DRC3: variants seen among roughly 807,000 people sequenced by gnomAD.
The protein encoded by DRC3 is dynein regulatory complex subunit 3.
A neutral mutation model predicts 57.6 loss-of-function variants in DRC3; 45 were observed. The observed-to-expected ratio is 0.78, with a 90% CI of 0.62 to 1.00. DRC3 has a LOEUF of 1.00. Ranked by LOEUF, DRC3 falls within the 50% of genes least tolerant of loss-of-function variation. The pLI is 0.00. For missense variants in DRC3, 655 were observed against 675.2 expected (o/e 0.97, Z 0.33); for synonymous variants, 257 against 272.3 (o/e 0.94, Z 0.55).
chr17:17,985,837 G>T (rs1163426693), intron 4 of DRC3, among the ~76,000 whole-genome samples: 1 of 152,144 alleles, frequency 6.6e-6, no homozygotes, highest in African/African-American at 2.4e-5. Flanking sequence ...TGCAGGCCTG[G>T]CATTTGTTAG....
At chr17:17,992,418 G>T (rs1438163593) in intron 5 of DRC3, among the ~76,000 whole-genome samples, 2 of 152,222 alleles carry the variant, frequency 1.3e-5, no homozygotes. Flanking sequence ...ATTTCACTTG[G>T]TCTTTATAAC....
intron 5 of DRC3, among the ~76,000 whole-genome samples, chr17:17,991,686 G>A (rs938053546): frequency 6.6e-6 from 1 of 152,078 alleles, no homozygotes; most frequent in Non-Finnish European, 1.5e-5. Flanking sequence ...TAACTACCTG[G>A]TTAACATTTT....
intron 3 of DRC3, among the ~76,000 whole-genome samples, chr17:17,979,031 G>A (rs2042528084): frequency 6.6e-6 from 1 of 152,214 alleles, no homozygotes; most frequent in Non-Finnish European, 1.5e-5. Context: ...AGGAAGGAGA[G>A]GAGAAAAGGG....
chr17:18,014,017 C>T (rs1201995802), intron 12 of DRC3, among the ~76,000 whole-genome samples: 1 of 151,278 alleles, frequency 6.6e-6, no homozygotes, highest in Non-Finnish European at 1.5e-5. Flanking sequence ...ACTGCAACCT[C>T]GGCCTCCCAG....
Position 17,977,563 on chromosome 17 carries a change from A to G in DRC3, c.-17-19A>G, listed in dbSNP as rs7219320. On this transcript the variant is annotated intron_variant, in intron 2 of 13. Coordinates refer to ENST00000399187, the MANE Select transcript of DRC3 (RefSeq NM_031294.4). ...AGAGAAAGAAGCAGGCCGTGAAGGA[A>G]GAATGCGGTGTTTTTTAGGGAAAAC... is the stretch of plus-strand genomic sequence containing the variant. 0.4 allele frequency: 645,291 copies of G among 1,613,006 alleles called. 146,423 individuals carry two copies. Among genetic ancestry groups the G allele is most frequent in the East Asian group, 0.9 (40,571 of 44,846 alleles).
chr17:17,982,506 C>T (rs941148773), intron 3 of DRC3, among the ~76,000 whole-genome samples: 2 of 151,774 alleles, frequency 1.3e-5, no homozygotes, highest in South Asian at 2.1e-4. Context: ...TGAGCCACCA[C>T]GCCTGGCCCA....
At position 17,993,107 on chromosome 17, in the gene DRC3, T is replaced by C. The variant is rs57938742; in HGVS notation, c.591+196T>C. On this transcript the variant is annotated intron_variant, in intron 6 of 13. Coordinates refer to ENST00000399187, the MANE Select transcript of DRC3 (RefSeq NM_031294.4). ...GCACCCTTGTAAGTACTGTTTTGTG[T>C]GCGTTCCCAGGGGCCAGGCCTCTTC... 2.5e-4 allele frequency: 152 copies of C among 596,694 alleles called. No individual in the cohort carries two copies. The African/African-American group carries it at 2.8e-3, about 11-fold the overall frequency. The allele number at this position is 596,694 out of a possible 1,614,324, so 37.0% of individuals were successfully genotyped here.
rs1208336470 is a variant in DRC3 at position 18,010,945 on chromosome 17, T to TG, written c.1326+3798_1326+3799insG. On this transcript the variant is annotated intron_variant, in intron 12 of 13. Transcript: ENST00000399187. ...GGCCTCTCTCAAGGATGAGGTTTTT[T>TG]TTTTGTTTGTTTGTTTGTTTGTTTG... 175 of 249,798 alleles carry TG rather than the reference T, an allele frequency of 7.0e-4. 3 individuals are homozygous for TG. The highest frequency in any genetic ancestry group is 5.9e-3 in the Middle Eastern group (4 of 674). 15.5% of individuals were successfully genotyped at this position (249,798 alleles called of 1,614,324 possible). A position where few individuals can be genotyped will look rare whatever the true frequency, so the allele number is the denominator to read the frequency against.
Position 18,016,781 on chromosome 17 carries a change from A to C in DRC3, c.*110A>C. 1 of 608,190 alleles carries C rather than the reference A, an allele frequency of 1.6e-6. No individual in the cohort carries two copies. Among genetic ancestry groups the C allele is most frequent in the South Asian group, 2.2e-5 (1 of 46,092 alleles). The allele number at this position is 608,190 out of a possible 1,614,324, so 37.7% of individuals were successfully genotyped here. A position where few individuals can be genotyped will look rare whatever the true frequency, so the allele number is the denominator to read the frequency against. On this transcript the variant is annotated 3_prime_UTR_variant, in exon 14 of 14. Coordinates refer to ENST00000399187, the MANE Select transcript of DRC3 (RefSeq NM_031294.4). ...CTAGAGAGTTGCTGGGCATCTCTCA[A>C]CCGCGATCCCCAACACCATTCTTCC...
chr17:17,996,877 C>T lies in DRC3; in HGVS notation c.825-583C>T, dbSNP rs115474414. ...CTGGTTGACTCCAAGGACTCCGTGTCGCAGGCCCTTTTGTACCCTCAGCTG... is the reference window on the plus strand; with the variant it reads ...CTGGTTGACTCCAAGGACTCCGTGTTGCAGGCCCTTTTGTACCCTCAGCTG... On this transcript the variant is annotated intron_variant, in intron 8 of 13. Coordinates refer to ENST00000399187, the MANE Select transcript of DRC3 (RefSeq NM_031294.4). 2.0e-3 allele frequency among the ~76,000 whole-genome samples: 308 copies of T among 152,272 alleles called. 2 individuals carry two copies. The highest frequency in any genetic ancestry group is 0.01 in the Middle Eastern group (3 of 294).
In DRC3 at chr17:18,004,509, T is replaced by C. The variant is rs1225603933; in HGVS notation, c.1131+15T>C. The C allele has an allele frequency of 6.2e-7, 1 of 1,605,962 alleles. No homozygotes were observed. Among genetic ancestry groups the C allele is most frequent in the Middle Eastern group, 1.7e-4 (1 of 5,904 alleles). The stretch of plus-strand genomic sequence containing the variant: ...AGCAGCTGGAGGTAAGGCTGGGCCC[T>C]GGGCACAAGTGCCAGAATCTGGCGA... On this transcript the variant is annotated intron_variant, in intron 10 of 13. Coordinates refer to ENST00000399187, the MANE Select transcript of DRC3 (RefSeq NM_031294.4).
chr17:18,007,606 C>A, intron 12 of DRC3: 1 of 1,436,744 alleles, frequency 7.0e-7, no homozygotes, highest in Non-Finnish European at 9.2e-7. Context: ...GATGAATGGT[C>A]ACAAAATCAG....
intron 12 of DRC3, 54 bp from the exon 13 acceptor site, chr17:18,016,010 G>A: frequency 1.3e-6 from 2 of 1,595,316 alleles, no homozygotes; most frequent in African/African-American, 2.7e-5. Flanking sequence ...AGCTCCCTTT[G>A]TGTTCACGGT....
chr17:18,007,120 C>T lies in DRC3; in HGVS notation c.1299C>T (p.Asp433=), dbSNP rs199766678. ...AGAAGATTGTCGAGGGCGACCTGGA[C>T]GAGGACCTGCCTAACGACCTGCGCG... ...TLEKIVEGDL[D]EDLPNDLRAL... Residue 433 remains aspartate (D), a synonymous_variant, in exon 12 of 14, where the codon GAC becomes GAT. Transcript: ENST00000399187. The T allele has an allele frequency of 4.1e-4, 499 of 1,223,388 alleles. 4 individuals carry two copies. Among genetic ancestry groups the T allele is most frequent in the Middle Eastern group, 2.5e-3 (12 of 4,770 alleles). The allele number at this position is 1,223,388 out of a possible 1,614,324, so 75.8% of individuals were successfully genotyped here. A position where few individuals can be genotyped will look rare whatever the true frequency, so the allele number is the denominator to read the frequency against.
chr17:18,003,510 A>G (rs2043825100), intron 9 of DRC3, among the ~76,000 whole-genome samples: 1 of 148,630 alleles, frequency 6.7e-6, no homozygotes, highest in East Asian at 2.0e-4. Flanking sequence ...AAAAAAAAAA[A>G]AAAAAAGAAT....
intron 8 of DRC3, among the ~76,000 whole-genome samples, chr17:17,996,474 T>A (rs1425079225): frequency 6.6e-6 from 1 of 152,172 alleles, no homozygotes; most frequent in Non-Finnish European, 1.5e-5. Flanking sequence ...TCAGATCTCA[T>A]GAGACTCATT....
intron 9 of DRC3, among the ~76,000 whole-genome samples, chr17:18,002,000 T>C (rs1373396859): frequency 6.6e-6 from 1 of 152,028 alleles, no homozygotes; most frequent in African/African-American, 2.4e-5. Context: ...AAACCCCATC[T>C]CTACTAAAAA....
In DRC3 at chr17:18,016,644, C is replaced by T. The variant is rs2044375419; in HGVS notation, c.1545C>T (p.Asn515=). The stretch of plus-strand genomic sequence containing the variant: ...ACCACATGCAGAGCGAACTGGACAA[C>T]CTGGAATGTGGCGACATCCTAGACT... ...YIDHMQSELD[N]LECGDILD Residue 515 remains asparagine (N), a synonymous_variant, in exon 14 of 14, where the codon AAC becomes AAT. Coordinates refer to ENST00000399187, the MANE Select transcript of DRC3 (RefSeq NM_031294.4). 6.2e-7 allele frequency: 1 copy of T among 1,613,344 alleles called. No homozygotes were observed. Among genetic ancestry groups the T allele is most frequent in the Non-Finnish European group, 8.5e-7 (1 of 1,179,416 alleles).
intron 7 of DRC3, 53 bp downstream of exon 7, chr17:17,994,471 G>A: frequency 1.3e-6 from 2 of 1,541,180 alleles, no homozygotes; most frequent in Non-Finnish European, 1.7e-6. Context: ...CCCACAAGAG[G>A]GCACTGATCA....
Sources: gnomAD v4.1 joint callset for allele counts (sites outside exome capture counted in the v4.1 genomes callset) on GRCh38, gnomAD v4.1.1 for gene constraint, MANE v1.5 for transcripts, NCBI Gene and HGNC (gene_info 2026-07-23, HGNC 2026-07-21) for gene names.